The following PMEL variants were observed in gnomAD, a reference collection of about 807,000 sequenced individuals.
PMEL encodes melanocyte protein PMEL.
In PMEL, 53 loss-of-function variants were observed where a neutral mutation model predicts 64.9. That is an observed-to-expected ratio of 0.82 (90% CI 0.66 to 1.03). PMEL has a LOEUF of 1.03. PMEL is among the 50% of genes least tolerant of loss of function. The pLI, the probability that PMEL is intolerant of heterozygous loss-of-function variation, is 0.00. For missense variants in PMEL, 716 were observed against 814.9 expected, an observed-to-expected ratio of 0.88 and a Z score of 1.48; for synonymous variants, 299 against 316.2, an observed-to-expected ratio of 0.95 and a Z score of 0.58.
rs751403300 is a variant in PMEL, at chr12:55,955,711, A to G, written c.1557-42T>C. 6.2e-6 allele frequency: 10 copies of G among 1,608,882 alleles called. No homozygotes were observed. In the East Asian group the frequency reaches 2.2e-4, roughly 36 times the overall value. ...CATATATAAGGGGATCTGGGAAGGG[A>G]CACTAAATGCCAGAGAGCGGAGAAA... On this transcript the variant is annotated intron_variant, in intron 8 of 10. Transcript: ENST00000548747.
Position 55,958,516 on chromosome 12 carries a change from A to G in PMEL, c.426T>C (p.Ser142=). 1 of 1,614,198 alleles carries G rather than the reference A, an allele frequency of 6.2e-7. No individual in the cohort carries two copies. The change falls in exon 4 of 11, where the codon TCT becomes TCC. Residue 142 remains serine, a synonymous_variant. Coordinates refer to ENST00000548747, the MANE Select transcript of PMEL (RefSeq NM_001384361.1). ...AAACAAAGCTTCTCTTCTGAGACCAAGAGCCAGATGGGCAAGGTCCACCAT... is the reference window on the plus strand; with the variant it reads ...AAACAAAGCTTCTCTTCTGAGACCAGGAGCCAGATGGGCAAGGTCCACCAT... ...FPDGGPCPSG[S]WSQKRSFVYV...
At chr12:55,965,480 C>A (rs773765850) in intron 1 of PMEL, among the ~76,000 whole-genome samples, 1 of 151,272 alleles carries the variant, frequency 6.6e-6, no homozygotes, top group Non-Finnish European at 1.5e-5. Flanking sequence ...GACCCCTCTG[C>A]CTATCTCTCC....
chr12:55,957,235 A>G lies in PMEL; in HGVS notation c.1068T>C (p.Thr356=), dbSNP rs553629035. The G allele has an allele frequency of 8.7e-5, 141 of 1,613,996 alleles. No individual in the cohort carries two copies. Among genetic ancestry groups the G allele is most frequent in the Non-Finnish European group, 1.1e-4 (134 of 1,180,022 alleles). ...GCACAGGTGCAGTGCTTATGACTTC[A>G]GTGGTTGGCACCTGCACAGATGTGG... The part of the protein sequence containing the change: ...SGTTSVQVPT[T]EVISTAPVQM... The change falls in exon 6 of 11, where the codon ACT becomes ACC. Residue 356 remains threonine, a synonymous_variant. Coordinates refer to ENST00000548747, the MANE Select transcript of PMEL (RefSeq NM_001384361.1).
At chr12:55,964,126 G>T (rs1258542452) in intron 1 of PMEL, among the ~76,000 whole-genome samples, 1 of 151,656 alleles carries the variant, frequency 6.6e-6, no homozygotes, top group African/African-American at 2.4e-5. Context: ...AGGACCACAG[G>T]TGCTCACCAC....
chr12:55,962,774 A>T (rs1051253738), intron 1 of PMEL, among the ~76,000 whole-genome samples: 1 of 151,472 alleles, frequency 6.6e-6, no homozygotes, highest in African/African-American at 2.4e-5. Flanking sequence ...CAAGTGATCC[A>T]ACCGCTTCGG....
chr12:55,964,923 CCTTT>C lies in PMEL; in HGVS notation c.76+1009_76+1012del, dbSNP rs553114223. 8.8e-3 allele frequency among the ~76,000 whole-genome samples: 1,285 copies of C among 145,926 alleles called. 9 individuals carry two copies. Among genetic ancestry groups the C allele is most frequent in the Non-Finnish European group, 0.013 (867 of 66,310 alleles). The stretch of plus-strand genomic sequence containing the variant: ...TGAGTTACTGTGCCGGGCCTCATCC[CCTTT>C]CTTTTTTTTTTTTTTTTTGAGACGG... On this transcript the variant is annotated intron_variant, in intron 1 of 10. Coordinates refer to ENST00000548747, the MANE Select transcript of PMEL (RefSeq NM_001384361.1).
At position 55,961,876 on chromosome 12, in the gene PMEL, G is replaced by C. The variant is rs1015714130; in HGVS notation, c.77-144C>G. 8.7e-6 allele frequency: 5 copies of C among 571,618 alleles called. No homozygotes were observed. The African/African-American group carries it at 1.1e-4, about 12-fold the overall frequency. 35.4% of individuals were successfully genotyped at this position (571,618 alleles called of 1,614,324 possible). On this transcript the variant is annotated intron_variant, in intron 1 of 10. Transcript: ENST00000548747. ...TTTGAGATGGAGTTTCGCTCTTGTT[G>C]CCCAGGCTGGAGTGCAATGGCATGA...
intron 3 of PMEL, among the ~76,000 whole-genome samples, chr12:55,960,285 C>A (rs1889051826): frequency 6.6e-6 from 1 of 151,138 alleles, no homozygotes; most frequent in Non-Finnish European, 1.5e-5. Context: ...AGTAACTTGC[C>A]CAAGGTCACA....
intron 3 of PMEL, among the ~76,000 whole-genome samples, chr12:55,959,155 G>A (rs1469854894): frequency 6.6e-6 from 1 of 151,428 alleles, no homozygotes; most frequent in Non-Finnish European, 1.5e-5. Context: ...TGAGGTGGGA[G>A]GACTGCTTGA....
At chr12:55,962,506 T>C (rs1378067982) in intron 1 of PMEL, among the ~76,000 whole-genome samples, 2 of 146,976 alleles carry the variant, frequency 1.4e-5, no homozygotes, top group East Asian at 4.0e-4. Context: ...TTTATTTATT[T>C]ATTATTACTC....
At chr12:55,954,841 T>C (rs188339741) in intron 10 of PMEL, among the ~76,000 whole-genome samples, 13 of 151,900 alleles carry the variant, frequency 8.6e-5, no homozygotes, top group African/African-American at 1.2e-4. Flanking sequence ...AAGGTGGAGG[T>C]TGCAGTGAGC....
At chr12:55,963,895 C>T (rs1439762276) in intron 1 of PMEL, among the ~76,000 whole-genome samples, 1 of 150,432 alleles carries the variant, frequency 6.6e-6, no homozygotes, top group Non-Finnish European at 1.5e-5. Flanking sequence ...CTCCCCTCTC[C>T]TCTCCTTTCT....
intron 8 of PMEL, 54 bp downstream of exon 8, chr12:55,955,725 A>C: frequency 1.2e-6 from 2 of 1,608,952 alleles, no homozygotes; most frequent in Non-Finnish European, 1.7e-6. Context: ...TAAATGCCAG[A>C]GAGCGGAGAA....
intron 1 of PMEL, among the ~76,000 whole-genome samples, chr12:55,963,943 AT>A (rs967134095): frequency 7.0e-6 from 1 of 142,148 alleles, no homozygotes; most frequent in Non-Finnish European, 1.5e-5. Flanking sequence ...CCCTCACCCC[AT>A]TTTTCCCTTT....
At chr12:55,966,117 A>G (rs547774829), upstream of PMEL, 233 of 1,572,526 alleles carry the variant, frequency 1.5e-4, 4 homozygotes, top group South Asian at 2.3e-3. Flanking sequence ...CCCTCAGAGA[A>G]GGCCTGGGAG....
chr12:55,958,238 G>A (rs896519238), intron 4 of PMEL, 154 bp from the exon 5 acceptor site: 8 of 837,784 alleles, frequency 9.5e-6, no homozygotes, highest in Non-Finnish European at 1.5e-5. Context: ...GACAGGGAAG[G>A]GGTCCTAATG....
intron 10 of PMEL, 121 bp from the exon 11 acceptor site, chr12:55,954,470 C>T: frequency 2.1e-6 from 2 of 968,784 alleles, no homozygotes; most frequent in East Asian, 4.9e-5. Flanking sequence ...AGCTTCCTCC[C>T]CTTCTCCTCA....
chr12:55,958,283 G>A, intron 4 of PMEL, 190 bp downstream of exon 4: 1 of 766,516 alleles, frequency 1.3e-6, no homozygotes, highest in Non-Finnish European at 2.1e-6. Flanking sequence ...AATTGAGGAA[G>A]AGTTGCCAGA....
chr12:55,965,435 A>G (rs769630998), intron 1 of PMEL, among the ~76,000 whole-genome samples: 2 of 131,914 alleles, frequency 1.5e-5, no homozygotes, highest in Non-Finnish European at 3.2e-5. Flanking sequence ...ACGAGGCCCA[A>G]TCCCCCAGAG....
Sources: allele counts gnomAD v4.1 joint callset (sites outside exome capture counted in the v4.1 genomes callset), GRCh38; gene constraint gnomAD v4.1.1; transcripts MANE v1.5; gene names NCBI Gene and HGNC (gene_info 2026-07-23, HGNC 2026-07-21).